Variants in KPNA7 observed in about 807,000 individuals in gnomAD.
KPNA7 encodes the protein importin subunit alpha-8.
A neutral mutation model predicts 53.7 loss-of-function variants in KPNA7; 54 were observed. That is an observed-to-expected ratio of 1.01 (90% CI 0.81 to 1.26). The LOEUF is 1.26. Among genes scored for constraint, KPNA7 ranks in the 50% most tolerant of loss-of-function variants. KPNA7 has a pLI of 0.00. For missense variants in KPNA7, 640 were observed against 644.5 expected, an observed-to-expected ratio of 0.99 and a Z score of 0.07; for synonymous variants, 276 against 259.3, an observed-to-expected ratio of 1.06 and a Z score of -0.62.
chr7:99,205,620 C>T (rs1790770991), intron 2 of KPNA7, among the ~76,000 whole-genome samples: 1 of 152,116 alleles, frequency 6.6e-6, no homozygotes, highest in Non-Finnish European at 1.5e-5. Context: ...GAGGCCAAGA[C>T]AGGCAGATCA....
chr7:99,172,266 G>A (rs1798783804), downstream of KPNA7, among the ~76,000 whole-genome samples: 1 of 152,184 alleles, frequency 6.6e-6, no homozygotes, highest in African/African-American at 2.4e-5. Flanking sequence ...AGAATAAACA[G>A]ACCAAAGAGT....
At chr7:99,163,384 T>TATATATATATATATATATATATA in the KPNA7 span, among the ~76,000 whole-genome samples, 5 of 42,262 alleles carry the variant, frequency 1.2e-4, no homozygotes, top group South Asian at 1.1e-3. Flanking sequence ...TATATATATA[T>TATATATATATATATATATATATA]TTTTTTTTTT....
chr7:99,184,503 A>T (rs948496838), intron 8 of KPNA7, among the ~76,000 whole-genome samples: 2 of 152,158 alleles, frequency 1.3e-5, no homozygotes, highest in African/African-American at 2.4e-5. Flanking sequence ...AATTTTGTTG[A>T]CATTACCACT....
chr7:99,180,832 C>T (rs1356603084), intron 9 of KPNA7, among the ~76,000 whole-genome samples: 1 of 21,000 alleles, frequency 4.8e-5, no homozygotes, highest in Non-Finnish European at 9.4e-5. Context: ...TCTCTCTCCC[C>T]GTCTGTCTCT....
the KPNA7 span, among the ~76,000 whole-genome samples, chr7:99,154,134 CTT>C: frequency 9.2e-5 from 13 of 141,358 alleles, no homozygotes; most frequent in Non-Finnish European, 1.2e-4. Context: ...AGCTCACACA[CTT>C]TTTTTTTTTT....
At position 99,182,772 on chromosome 7, in the gene KPNA7, G is replaced by A. The variant is rs13243638; in HGVS notation, c.1135-707C>T. Among the ~76,000 whole-genome samples, 96 of 151,468 alleles carry A rather than the reference G, an allele frequency of 6.3e-4. 1 individual carries two copies. Among genetic ancestry groups the A allele is most frequent in the Admixed American group, 6.2e-3 (95 of 15,214 alleles). ...TCAGGCCACAGGGAAAAAATGAAACGGACATTAACCAATTCAGGTAATCTA... is the reference window on the plus strand; with the variant it reads ...TCAGGCCACAGGGAAAAAATGAAACAGACATTAACCAATTCAGGTAATCTA... On this transcript the variant is annotated intron_variant, in intron 8 of 10. Transcript: ENST00000327442.
chr7:99,168,507 T>C, the KPNA7 span, among the ~76,000 whole-genome samples: 4 of 152,100 alleles, frequency 2.6e-5, no homozygotes, highest in African/African-American at 9.7e-5. Context: ...TGGGACTTGT[T>C]TCCTTATTTT....
At chr7:99,174,241 C>T (rs569089251) in intron 10 of KPNA7, among the ~76,000 whole-genome samples, 42 of 152,270 alleles carry the variant, frequency 2.8e-4, no homozygotes, top group Middle Eastern at 3.4e-3. Context: ...AGGCTGCATG[C>T]TCCTTATGAG....
intron 1 of KPNA7, 78 bp from the exon 2 acceptor site, chr7:99,207,567 C>G (rs902764417): frequency 3.0e-4 from 183 of 608,040 alleles, no homozygotes; most frequent in Non-Finnish European, 5.0e-4. Context: ...AGGCTCTAAC[C>G]CTTAAAGGGC....
chr7:99,183,757 C>T (rs1024539540), intron 8 of KPNA7, among the ~76,000 whole-genome samples: 9 of 152,132 alleles, frequency 5.9e-5, no homozygotes, highest in Admixed American at 1.3e-4. Flanking sequence ...TTAAACATAG[C>T]TAATTCCTTT....
chr7:99,146,709 C>T, the KPNA7 span, among the ~76,000 whole-genome samples: 1 of 78,868 alleles, frequency 1.3e-5, no homozygotes, highest in African/African-American at 6.0e-5. Flanking sequence ...GAGACTGTGT[C>T]TTAAAAAAAA....
the KPNA7 span, among the ~76,000 whole-genome samples, chr7:99,166,398 C>T: frequency 0.92 from 139,907 of 152,130 alleles, 64,606 homozygotes; most frequent in East Asian, 1. Context: ...TTGCTGCAAC[C>T]CTGCCCCCCA....
the KPNA7 span, among the ~76,000 whole-genome samples, chr7:99,160,255 T>C: frequency 6.6e-6 from 1 of 152,068 alleles, no homozygotes; most frequent in Non-Finnish European, 1.5e-5. Flanking sequence ...CTCAATCTCC[T>C]GACCTCGTGA....
chr7:99,157,180 G>A, the KPNA7 span, among the ~76,000 whole-genome samples: 4 of 152,058 alleles, frequency 2.6e-5, no homozygotes, highest in East Asian at 1.9e-4. Context: ...TCTGGGAAAT[G>A]GTTGTTTTGT....
chr7:99,177,830 C>T (rs17161599), intron 10 of KPNA7, 90 bp downstream of exon 10: 84,871 of 1,365,772 alleles, frequency 0.062, 3,351 homozygotes, highest in South Asian at 0.18. Flanking sequence ...ACCTGCCACA[C>T]GCAACAGCCC....
At chr7:99,151,012 A>G in the KPNA7 span, among the ~76,000 whole-genome samples, 1 of 152,210 alleles carries the variant, frequency 6.6e-6, no homozygotes, top group African/African-American at 2.4e-5. Context: ...GCTGTACCTC[A>G]TTACTTAAAT....
the KPNA7 span, among the ~76,000 whole-genome samples, chr7:99,148,607 TAA>T: frequency 0.017 from 2,560 of 152,236 alleles, 37 homozygotes; most frequent in Middle Eastern, 0.037. Context: ...ATTTATTCTT[TAA>T]AAGAGAGGGT....
chr7:99,187,561 T>TG (rs1439052691), intron 7 of KPNA7, among the ~76,000 whole-genome samples: 5 of 138,628 alleles, frequency 3.6e-5, no homozygotes, highest in Admixed American at 2.1e-4. Flanking sequence ...GCTAATTTTT[T>TG]TTTTTTTTTT....
At chr7:99,177,867 G>A (rs933768855) in intron 10 of KPNA7, 53 bp downstream of exon 10, 1 of 1,538,896 alleles carries the variant, frequency 6.5e-7, no homozygotes, top group Non-Finnish European at 8.8e-7. Context: ...ACCCTCTGCA[G>A]AGCTGCCCCA....
Sources: allele counts gnomAD v4.1 joint callset (sites outside exome capture counted in the v4.1 genomes callset), GRCh38; gene constraint gnomAD v4.1.1; transcripts MANE v1.5; gene names NCBI Gene and HGNC (gene_info 2026-07-23, HGNC 2026-07-21).